The following GABRB3 variants were observed in gnomAD, a reference collection of about 807,000 sequenced individuals.
GABRB3 encodes the protein gamma-aminobutyric acid type A receptor subunit beta3.
A neutral mutation model predicts 52.1 loss-of-function variants in GABRB3; 14 were observed. The observed-to-expected ratio is 0.27, with a 90% CI of 0.18 to 0.42. The LOEUF (loss-of-function observed/expected upper bound fraction) is 0.42. Among genes scored for constraint, GABRB3 ranks in the 10% least tolerant of loss-of-function variants. GABRB3 has a pLI of 1.00. For synonymous variants in GABRB3, 260 were observed against 232.3 expected, an observed-to-expected ratio of 1.12 and a Z score of -1.08; for missense variants, 307 against 609.1, an observed-to-expected ratio of 0.50 and a Z score of 5.22.
intron 3 of GABRB3, among the ~76,000 whole-genome samples, chr15:26,759,285 C>G (rs1890747440): frequency 6.6e-6 from 1 of 152,090 alleles, no homozygotes; most frequent in African/African-American, 2.4e-5. Context: ...GATGGAGTCT[C>G]GCTCTGTAGC....
intron 4 of GABRB3, chr15:26,616,147 C>A (rs1212143331): frequency 1.7e-6 from 2 of 1,191,966 alleles, no homozygotes; most frequent in Non-Finnish European, 2.2e-6. Context: ...GCCAGTGCAA[C>A]AGTAAAAAGA....
chr15:26,707,404 G>C (rs1889138473), intron 3 of GABRB3, among the ~76,000 whole-genome samples: 1 of 152,150 alleles, frequency 6.6e-6, no homozygotes, highest in South Asian at 2.1e-4. Context: ...TGAAAACTGT[G>C]GTGTTTAGGC....
At chr15:26,746,965 C>T (rs377091218) in intron 3 of GABRB3, among the ~76,000 whole-genome samples, 6 of 151,934 alleles carry the variant, frequency 3.9e-5, no homozygotes, top group East Asian at 3.9e-4. Flanking sequence ...CCAGCCTGGG[C>T]GACAGAGCAA....
rs183555894 is a variant in GABRB3 at position 26,674,350 on chromosome 15, G to A, written c.241-52816C>T. On this transcript the variant is annotated intron_variant, in intron 3 of 8. Coordinates refer to ENST00000311550, the MANE Select transcript of GABRB3 (RefSeq NM_000814.6). ...CAGGAGGCGAAGGCTGCAGTGAGCC[G>A]AGATCACGCCACTGCACTCCAGCCT... Among the ~76,000 whole-genome samples the A allele has an allele frequency of 7.3e-3, 986 of 135,754 alleles. 14 individuals carry two copies. The highest frequency in any genetic ancestry group is 0.026 in the African/African-American group (960 of 36,418). The allele number at this position is 135,754 out of a possible 152,430, so 89.1% of individuals were successfully genotyped here. A position where few individuals can be genotyped will look rare whatever the true frequency, so the allele number is the denominator to read the frequency against.
intron 4 of GABRB3, among the ~76,000 whole-genome samples, chr15:26,586,045 C>T (rs962619342): frequency 5.9e-5 from 9 of 152,136 alleles, no homozygotes; most frequent in African/African-American, 2.2e-4. Context: ...GTCGCCCAGG[C>T]TTGAGTGCAG....
intron 3 of GABRB3, among the ~76,000 whole-genome samples, chr15:26,724,473 C>T (rs922663947): frequency 1.3e-5 from 2 of 152,134 alleles, no homozygotes; most frequent in Admixed American, 6.5e-5. Flanking sequence ...AAGACTCCAC[C>T]GATAGCAACC....
intron 8 of GABRB3, among the ~76,000 whole-genome samples, chr15:26,560,425 G>A (rs561655439): frequency 7.9e-5 from 12 of 152,194 alleles, no homozygotes; most frequent in Admixed American, 4.6e-4. Flanking sequence ...ACCAGCCCCA[G>A]TCCAAATGCC....
At chr15:26,644,706 G>C (rs1484072478) in intron 3 of GABRB3, among the ~76,000 whole-genome samples, 1 of 152,190 alleles carries the variant, frequency 6.6e-6, no homozygotes. Context: ...AGCCCATGAG[G>C]AGTGGTGACA....
intron 3 of GABRB3, among the ~76,000 whole-genome samples, chr15:26,664,881 G>A (rs1352427413): frequency 6.6e-6 from 1 of 151,558 alleles, no homozygotes; most frequent in Non-Finnish European, 1.5e-5. Flanking sequence ...TGTATTTTTA[G>A]TACAGACAGG....
chr15:26,621,685 G>T lies in GABRB3; in HGVS notation c.241-151C>A. 1.5e-6 allele frequency: 1 copy of T among 654,320 alleles called. No individual in the cohort carries two copies. The highest frequency in any genetic ancestry group is 1.9e-5 in the South Asian group (1 of 54,010). 40.5% of individuals were successfully genotyped at this position (654,320 alleles called of 1,614,324 possible). ...TTTTTATGCAGAATGGGAAGCAATGGCTGCTTTCTTGTGAATGCAAATACC... is the reference window on the plus strand; with the variant it reads ...TTTTTATGCAGAATGGGAAGCAATGTCTGCTTTCTTGTGAATGCAAATACC... On this transcript the variant is annotated intron_variant, in intron 3 of 8. Coordinates refer to ENST00000311550, the MANE Select transcript of GABRB3 (RefSeq NM_000814.6). This position sits in a 1 kb window ranked among gnomAD's most constrained non-coding sequence, Gnocchi z 4.1.
At chr15:26,549,509 G>T (rs2140649112) in intron 8 of GABRB3, among the ~76,000 whole-genome samples, 1 of 152,252 alleles carries the variant, frequency 6.6e-6, no homozygotes, top group Admixed American at 6.5e-5. Flanking sequence ...TGGTCATCAG[G>T]GTAATGGCCC....
intron 3 of GABRB3, among the ~76,000 whole-genome samples, chr15:26,694,060 G>A (rs1390829687): frequency 6.6e-6 from 1 of 151,968 alleles, no homozygotes; most frequent in Non-Finnish European, 1.5e-5. Flanking sequence ...AACAGCCTGG[G>A]CAACATAGTA....
chr15:26,602,198 T>C (rs117317342), intron 4 of GABRB3, among the ~76,000 whole-genome samples: 2,104 of 152,182 alleles, frequency 0.014, 39 homozygotes, highest in Admixed American at 0.058. Context: ...GGTCAACTTA[T>C]CAAGAGAAAC....
chr15:26,629,910 G>A (rs2140557196), intron 3 of GABRB3, among the ~76,000 whole-genome samples: 1 of 152,186 alleles, frequency 6.6e-6, no homozygotes, highest in African/African-American at 2.4e-5. Flanking sequence ...GGCACCCTGA[G>A]AACGTTTGGC....
chr15:26,696,065 T>C (rs1366153867), intron 3 of GABRB3, among the ~76,000 whole-genome samples: 1 of 152,220 alleles, frequency 6.6e-6, no homozygotes, highest in Non-Finnish European at 1.5e-5. Flanking sequence ...GTTTGGAAGC[T>C]GAAATTATTT....
chr15:26,699,111 T>C (rs748709354), intron 3 of GABRB3, among the ~76,000 whole-genome samples: 1 of 145,160 alleles, frequency 6.9e-6, no homozygotes, highest in African/African-American at 2.9e-5. Context: ...AGCAGGAATA[T>C]AAATATTAGA....
At chr15:26,564,985 T>C (rs1445372312) in intron 7 of GABRB3, among the ~76,000 whole-genome samples, 1 of 152,224 alleles carries the variant, frequency 6.6e-6, no homozygotes, top group Non-Finnish European at 1.5e-5. Context: ...ATTATATGAC[T>C]TCGTACCAGT....
intron 4 of GABRB3, among the ~76,000 whole-genome samples, chr15:26,589,791 C>G (rs1891125676): frequency 6.6e-6 from 1 of 152,176 alleles, no homozygotes; most frequent in African/African-American, 2.4e-5. Flanking sequence ...GCAACCCCAA[C>G]CACACACGCA....
chr15:26,769,297 G>T (rs943264864), intron 3 of GABRB3, among the ~76,000 whole-genome samples: 5 of 152,154 alleles, frequency 3.3e-5, no homozygotes, highest in African/African-American at 1.2e-4. Flanking sequence ...ATCAAAACCT[G>T]AGGAGAAAAT....
Sources: allele counts gnomAD v4.1 joint callset (sites outside exome capture counted in the v4.1 genomes callset), GRCh38; gene constraint gnomAD v4.1.1; non-coding constraint Gnocchi (gnomAD v3.1); transcripts MANE v1.5; gene names NCBI Gene and HGNC (gene_info 2026-07-23, HGNC 2026-07-21).